Variants in LRSAM1 observed in about 807,000 individuals in gnomAD.
LRSAM1 encodes the protein leucine rich repeat and sterile alpha motif containing 1.
A neutral mutation model predicts 118.1 loss-of-function variants in LRSAM1; 96 were observed. The ratio of observed to expected loss-of-function variants is 0.81; its 90% confidence interval spans 0.69 to 0.96. LRSAM1 has a LOEUF of 0.96. Among genes scored for constraint, LRSAM1 ranks in the 40% least tolerant of loss-of-function variants. The pLI is 0.00. For missense variants in LRSAM1, 804 were observed against 915.5 expected, an observed-to-expected ratio of 0.88 and a Z score of 1.57; for synonymous variants, 322 against 364.2, an observed-to-expected ratio of 0.88 and a Z score of 1.32.
chr9:127,451,562 G>C lies in LRSAM1; in HGVS notation c.-296G>C, dbSNP rs746664653. On this transcript the variant is annotated 5_prime_UTR_variant, in exon 1 of 26. Coordinates refer to ENST00000300417, the MANE Select transcript of LRSAM1 (RefSeq NM_001005373.4). ...GCTGGCAAGCAGGGCACCGCGGTGC[G>C]CTGAAGCTAGAGATTCCGAAAGGGG... 7 of 568,118 alleles carry C rather than the reference G, an allele frequency of 1.2e-5. No individual in the cohort carries two copies. The highest frequency in any genetic ancestry group is 1.9e-5 in the Non-Finnish European group (6 of 316,326). 35.2% of individuals were successfully genotyped at this position (568,118 alleles called of 1,614,324 possible).
chr9:127,478,765 C>T (rs1189499009), intron 11 of LRSAM1, among the ~76,000 whole-genome samples, 169 bp from the exon 12 acceptor site: 2 of 152,170 alleles, frequency 1.3e-5, no homozygotes, highest in Non-Finnish European at 2.9e-5. Context: ...CACCTGGTGC[C>T]CTTGATCAAT....
At chr9:127,482,722 C>T (rs1328226809) in intron 15 of LRSAM1, among the ~76,000 whole-genome samples, 1 of 152,138 alleles carries the variant, frequency 6.6e-6, no homozygotes, top group Non-Finnish European at 1.5e-5. Flanking sequence ...TTCTTTTGCC[C>T]ATTTTCTAAG....
intron 17 of LRSAM1, among the ~76,000 whole-genome samples, chr9:127,486,930 C>A (rs1835751996): frequency 6.6e-6 from 1 of 151,882 alleles, no homozygotes; most frequent in Non-Finnish European, 1.5e-5. Flanking sequence ...CGTCTGTAAT[C>A]CCAGCACTTT....
At chr9:127,459,221 T>TG (rs1291374066) in intron 7 of LRSAM1, 150 bp downstream of exon 7, 3 of 719,906 alleles carry the variant, frequency 4.2e-6, no homozygotes, top group African/African-American at 1.8e-5. Flanking sequence ...TTTGGGGTTT[T>TG]TTTTTTTTTT....
At chr9:127,496,720 C>T (rs1297213722) in intron 23 of LRSAM1, among the ~76,000 whole-genome samples, 1 of 152,144 alleles carries the variant, frequency 6.6e-6, no homozygotes, top group Non-Finnish European at 1.5e-5. Context: ...GCAGTGTGGC[C>T]CCAGAGTTCG....
intron 24 of LRSAM1, among the ~76,000 whole-genome samples, chr9:127,499,537 A>ATATATAT (rs1392699385): frequency 2.5e-4 from 29 of 115,180 alleles, no homozygotes; most frequent in African/African-American, 8.2e-4. Context: ...TCTAAAAAAA[A>ATATATAT]ATATATATAT....
chr9:127,497,904 G>A (rs562406839), intron 24 of LRSAM1, among the ~76,000 whole-genome samples: 1 of 152,364 alleles, frequency 6.6e-6, no homozygotes, highest in East Asian at 1.9e-4. Flanking sequence ...CCCGTGAGGA[G>A]GCACTGTTGT....
At chr9:127,481,149 T>A (rs2132067635) in intron 14 of LRSAM1, 34 bp from the exon 15 acceptor site, 1 of 1,613,344 alleles carries the variant, frequency 6.2e-7, no homozygotes, top group East Asian at 2.2e-5. Context: ...GGCCTGCTGG[T>A]GACTGCCAGG....
intron 11 of LRSAM1, among the ~76,000 whole-genome samples, chr9:127,475,738 A>G (rs926820467): frequency 2.6e-5 from 4 of 151,592 alleles, no homozygotes; most frequent in African/African-American, 9.7e-5. Context: ...AAAAGATTTT[A>G]TTATTTTTTT....
chr9:127,491,508 T>C (rs1224029005), intron 20 of LRSAM1, among the ~76,000 whole-genome samples: 1 of 152,190 alleles, frequency 6.6e-6, no homozygotes, highest in Non-Finnish European at 1.5e-5. Context: ...GGTCAGCCTG[T>C]TGCGAGGCAG....
intron 10 of LRSAM1, among the ~76,000 whole-genome samples, chr9:127,473,572 A>T (rs886349924): frequency 1.3e-5 from 2 of 152,224 alleles, no homozygotes; most frequent in African/African-American, 2.4e-5. Flanking sequence ...AAAGAGGTGT[A>T]AGGGGTAGCC....
At chr9:127,489,738 C>T (rs1259491428) in intron 19 of LRSAM1, among the ~76,000 whole-genome samples, 1 of 152,168 alleles carries the variant, frequency 6.6e-6, no homozygotes, top group Non-Finnish European at 1.5e-5. Context: ...CGGGGTCTGG[C>T]GAGGGTCTTG....
At chr9:127,501,599 G>A (rs1200183425) in intron 25 of LRSAM1, among the ~76,000 whole-genome samples, 4 of 152,148 alleles carry the variant, frequency 2.6e-5, no homozygotes, top group Admixed American at 2.6e-4. Flanking sequence ...AGGCGTGGTG[G>A]TGGGCGCCTG....
At chr9:127,484,818 T>TTC (rs1835670335) in intron 16 of LRSAM1, among the ~76,000 whole-genome samples, 1 of 149,522 alleles carries the variant, frequency 6.7e-6, no homozygotes, top group Non-Finnish European at 1.5e-5. Flanking sequence ...TTCTTTTTTT[T>TTC]TTTTTTTTGA....
intron 10 of LRSAM1, among the ~76,000 whole-genome samples, chr9:127,473,174 G>C (rs764633749): frequency 6.6e-6 from 1 of 152,166 alleles, no homozygotes; most frequent in Non-Finnish European, 1.5e-5. Context: ...TGACGTGACT[G>C]TATCCTTCCC....
At chr9:127,462,810 G>A (rs1002245511) in intron 9 of LRSAM1, among the ~76,000 whole-genome samples, 1 of 151,118 alleles carries the variant, frequency 6.6e-6, no homozygotes, top group Non-Finnish European at 1.5e-5. Context: ...TGCACGTGCT[G>A]CACATGTACT....
intron 16 of LRSAM1, among the ~76,000 whole-genome samples, chr9:127,484,467 G>T (rs1835654888): frequency 6.6e-6 from 1 of 151,736 alleles, no homozygotes; most frequent in Admixed American, 6.6e-5. Flanking sequence ...GGCTCAAGCA[G>T]TCCTCCCACT....
At chr9:127,470,495 A>G (rs1004847787) in intron 10 of LRSAM1, among the ~76,000 whole-genome samples, 3 of 152,046 alleles carry the variant, frequency 2.0e-5, no homozygotes, top group African/African-American at 7.2e-5. Flanking sequence ...TGAGGTGGGG[A>G]CACAGAGCCA....
intron 20 of LRSAM1, 48 bp from the exon 21 acceptor site, chr9:127,492,754 T>C (rs1835977737): frequency 6.3e-7 from 1 of 1,576,478 alleles, no homozygotes. Context: ...GCGGGACTCC[T>C]GCGCTGCCGC....
Sources: gnomAD v4.1 joint callset for allele counts (sites outside exome capture counted in the v4.1 genomes callset) on GRCh38, gnomAD v4.1.1 for gene constraint, MANE v1.5 for transcripts, NCBI Gene and HGNC (gene_info 2026-07-23, HGNC 2026-07-21) for gene names.